GYPE: variants seen among roughly 807,000 people sequenced by gnomAD.
The protein encoded by GYPE is glycophorin-E.
In GYPE, 8 loss-of-function variants were observed where a neutral mutation model predicts 11.6. That is an observed-to-expected ratio of 0.69 (90% CI 0.41 to 1.25). The LOEUF is 1.25. Among genes scored for constraint, GYPE ranks in the 50% most tolerant of loss-of-function variants. The probability of loss-of-function intolerance (pLI) is 0.01; values close to 1 mark genes in which losing one functional copy is unlikely to be tolerated. For synonymous variants in GYPE, 28 were observed against 29.6 expected (o/e 0.94, Z 0.18); for missense variants, 90 against 92.8 (o/e 0.97, Z 0.12).
rs1744921629 is a variant in GYPE, at chr4:143,902,878, C to T, written c.37+2593G>A. Among the ~76,000 whole-genome samples, 3 of 152,166 alleles carry T rather than the reference C, an allele frequency of 2.0e-5. No individual in the cohort carries two copies. The South Asian group carries it at 6.2e-4, about 32-fold the overall frequency. ...GCTTTTGGAGACTCCTGGTTTATGC[C>T]ATAATTTCCTAGTTGAAGTGATATA... On this transcript the variant is annotated intron_variant, in intron 1 of 3. Transcript: ENST00000358615.
intron 1 of GYPE, among the ~76,000 whole-genome samples, chr4:143,897,620 A>T (rs954092597): frequency 1.7e-4 from 26 of 152,212 alleles, no homozygotes; most frequent in African/African-American, 4.3e-4. Flanking sequence ...ACAGTGTCTC[A>T]ATAATACTTG....
chr4:143,901,540 G>A (rs1239415367), intron 1 of GYPE, among the ~76,000 whole-genome samples: 1 of 151,538 alleles, frequency 6.6e-6, no homozygotes, highest in Non-Finnish European at 1.5e-5. Context: ...ACACAGATAG[G>A]TACTTACTAA....
chr4:143,877,193 A>G (rs780616158), intron 2 of GYPE, among the ~76,000 whole-genome samples: 48 of 152,350 alleles, frequency 3.2e-4, no homozygotes, highest in Non-Finnish European at 6.9e-4. Flanking sequence ...ATATGGGGAA[A>G]AAACCACAAA....
intron 3 of GYPE, among the ~76,000 whole-genome samples, chr4:143,876,373 C>G (rs1275124748): frequency 6.6e-6 from 1 of 152,072 alleles, no homozygotes; most frequent in Non-Finnish European, 1.5e-5. Context: ...CTTGGCCTCC[C>G]CCAAAGTTTT....
At chr4:143,883,546 A>G (rs562190170) in intron 1 of GYPE, among the ~76,000 whole-genome samples, 4 of 19,238 alleles carry the variant, frequency 2.1e-4, no homozygotes, top group African/African-American at 6.1e-4. Flanking sequence ...AATTAATTAT[A>G]AATTAATTTA....
At chr4:143,904,273 C>A (rs957516710) in intron 1 of GYPE, among the ~76,000 whole-genome samples, 2 of 151,986 alleles carry the variant, frequency 1.3e-5, no homozygotes, top group Admixed American at 1.3e-4. Context: ...TAATTCTAAT[C>A]ATAGAAAATG....
chr4:143,894,514 G>A (rs949675485), intron 1 of GYPE, among the ~76,000 whole-genome samples: 11 of 151,918 alleles, frequency 7.2e-5, no homozygotes, highest in African/African-American at 2.7e-4. Flanking sequence ...CTATTTGTTA[G>A]TTTTCCTTCT....
At chr4:143,878,910 G>A (rs188708154) in intron 2 of GYPE, among the ~76,000 whole-genome samples, 1 of 152,222 alleles carries the variant, frequency 6.6e-6, no homozygotes, top group East Asian at 1.9e-4. Context: ...TGACAAATAA[G>A]CAAATTGTCT....
intron 2 of GYPE, 24 bp from the exon 3 acceptor site, chr4:143,876,879 A>G (rs1743836121): frequency 7.5e-7 from 1 of 1,334,930 alleles, no homozygotes; most frequent in Admixed American, 1.7e-5. Flanking sequence ...AGAGAGCGGC[A>G]AAATTATGAA....
At chr4:143,883,205 GCT>G (rs1744105457) in intron 1 of GYPE, among the ~76,000 whole-genome samples, 1 of 151,892 alleles carries the variant, frequency 6.6e-6, no homozygotes, top group Non-Finnish European at 1.5e-5. Context: ...CTGCTCCAAG[GCT>G]CTCTCTCCCG....
chr4:143,891,913 G>T (rs7668628), intron 1 of GYPE, among the ~76,000 whole-genome samples: 36,887 of 152,000 alleles, frequency 0.24, 5,504 homozygotes, highest in South Asian at 0.32. Flanking sequence ...ACCTCTGGTA[G>T]AATTCGGCTG....
chr4:143,879,508 T>C (rs956977043), intron 2 of GYPE, among the ~76,000 whole-genome samples: 8 of 152,192 alleles, frequency 5.3e-5, no homozygotes, highest in Non-Finnish European at 8.8e-5. Context: ...AGATGGGTTT[T>C]CTGTCACAAA....
intron 3 of GYPE, among the ~76,000 whole-genome samples, chr4:143,874,015 C>A (rs1363749752): frequency 6.6e-6 from 1 of 151,888 alleles, no homozygotes; most frequent in Admixed American, 6.6e-5. Context: ...GTAACTATGT[C>A]AATTATAAGT....
chr4:143,896,400 T>C (rs1213412997), intron 1 of GYPE, among the ~76,000 whole-genome samples: 1 of 151,996 alleles, frequency 6.6e-6, no homozygotes, highest in Non-Finnish European at 1.5e-5. Flanking sequence ...AAAAGACACA[T>C]GAAAAAATGC....
chr4:143,879,982 A>G (rs1365134556), intron 2 of GYPE, among the ~76,000 whole-genome samples: 1 of 152,118 alleles, frequency 6.6e-6, no homozygotes, highest in Non-Finnish European at 1.5e-5. Flanking sequence ...CTGTGAGATA[A>G]GTACTGTGTT....
intron 1 of GYPE, among the ~76,000 whole-genome samples, chr4:143,897,317 A>T (rs1744690169): frequency 6.6e-6 from 1 of 151,918 alleles, no homozygotes; most frequent in Non-Finnish European, 1.5e-5. Flanking sequence ...AATAACAAAA[A>T]AATTAGTCAG....
intron 1 of GYPE, among the ~76,000 whole-genome samples, chr4:143,894,830 G>A (rs1431898478): frequency 2.6e-5 from 4 of 151,886 alleles, no homozygotes; most frequent in Admixed American, 2.6e-4. Context: ...TTCATCCCTG[G>A]GATGCAAGGC....
chr4:143,890,853 T>A (rs1332647946), intron 1 of GYPE, among the ~76,000 whole-genome samples: 3 of 151,774 alleles, frequency 2.0e-5, no homozygotes, highest in African/African-American at 7.3e-5. Flanking sequence ...TCGCATTTAA[T>A]TTTACTTTAA....
At chr4:143,877,741 T>C (rs2149904793) in intron 2 of GYPE, among the ~76,000 whole-genome samples, 1 of 151,324 alleles carries the variant, frequency 6.6e-6, no homozygotes, top group East Asian at 1.9e-4. Context: ...TTCTATGATG[T>C]GCTTTTTACC....
Sources: gnomAD v4.1 joint callset for allele counts (sites outside exome capture counted in the v4.1 genomes callset) on GRCh38, gnomAD v4.1.1 for gene constraint, MANE v1.5 for transcripts, NCBI Gene and HGNC (gene_info 2026-07-23, HGNC 2026-07-21) for gene names.